The following PRKN variants were observed in gnomAD, a reference collection of about 807,000 sequenced individuals.
PRKN encodes the protein parkin RBR E3 ubiquitin protein ligase.
PRKN carries 56 observed loss-of-function variants against 59.5 expected under a neutral mutation model. That is an observed-to-expected ratio of 0.94 (90% confidence interval 0.76 to 1.18). The LOEUF (loss-of-function observed/expected upper bound fraction) is 1.18. Ranked by LOEUF, PRKN falls within the 50% of genes most tolerant of loss-of-function variation. The pLI, the probability that PRKN is intolerant of heterozygous loss-of-function variation, is 0.00. For missense variants in PRKN, 657 were observed against 596.4 expected, an observed-to-expected ratio of 1.10 and a Z score of -1.06; for synonymous variants, 250 against 222.1, an observed-to-expected ratio of 1.13 and a Z score of -1.12.
rs1346847116 is a variant in PRKN, at chr6:162,487,122, T to G, written c.8-43649A>C. 3.9e-5 allele frequency among the ~76,000 whole-genome samples: 6 copies of G among 152,050 alleles called. No homozygotes were observed. The East Asian group carries it at 1.2e-3, about 29-fold the overall frequency. On this transcript the variant is annotated intron_variant, in intron 1 of 11. Transcript: ENST00000366898. Reference sequence around the variant, plus strand: ...TTAAGGAAAAAAACGCATAATCACCTACTAAGAAGGTCTAGAAAGTGTGAT... The same window carrying G: ...TTAAGGAAAAAAACGCATAATCACCGACTAAGAAGGTCTAGAAAGTGTGAT...
Position 161,353,625 on chromosome 6 carries a change from C to A in PRKN, c.1286-3414G>T, listed in dbSNP as rs1249056284. Among the ~76,000 whole-genome samples, 2 of 152,210 alleles carry A rather than the reference C, an allele frequency of 1.3e-5. No individual in the cohort carries two copies. The highest frequency in any genetic ancestry group is 4.8e-5 in the African/African-American group (2 of 41,454). Reference sequence around the variant, plus strand: ...GCCCTCTGCATCTCTTCATCTGTATCTTTTGTAATATCCTTTATAATAAAC... The same window carrying A: ...GCCCTCTGCATCTCTTCATCTGTATATTTTGTAATATCCTTTATAATAAAC... On this transcript the variant is annotated intron_variant, in intron 11 of 11. Coordinates refer to ENST00000366898, the MANE Select transcript of PRKN (RefSeq NM_004562.3). This position sits in a 1 kb window ranked among gnomAD's most constrained non-coding sequence, Gnocchi z 4.8.
At chr6:162,392,615 C>G (rs1787259356) in intron 2 of PRKN, among the ~76,000 whole-genome samples, 1 of 152,138 alleles carries the variant, frequency 6.6e-6, no homozygotes, top group South Asian at 2.1e-4. Flanking sequence ...CCAATAATGC[C>G]AGCAAAGCAT....
intron 2 of PRKN, among the ~76,000 whole-genome samples, chr6:162,288,981 G>A (rs1419453013): frequency 6.6e-6 from 1 of 152,202 alleles, no homozygotes; most frequent in Non-Finnish European, 1.5e-5. Context: ...GTTGTGGTCT[G>A]TAGGGTTTTA....
chr6:161,806,878 T>C (rs1414196047), intron 6 of PRKN, among the ~76,000 whole-genome samples: 1 of 152,148 alleles, frequency 6.6e-6, no homozygotes, highest in Non-Finnish European at 1.5e-5. Flanking sequence ...GCAGGATCAA[T>C]TGAGAACATG....
At chr6:161,915,349 G>A (rs1280901622) in intron 6 of PRKN, among the ~76,000 whole-genome samples, 5 of 152,118 alleles carry the variant, frequency 3.3e-5, no homozygotes, top group African/African-American at 1.2e-4. Flanking sequence ...CCTGAAAGGT[G>A]TTTGTGAAAG....
chr6:161,958,177 C>T (rs866603234), intron 6 of PRKN, among the ~76,000 whole-genome samples: 1 of 152,136 alleles, frequency 6.6e-6, no homozygotes, highest in Non-Finnish European at 1.5e-5. Context: ...GATAAAGACG[C>T]TTGCATTTAT....
chr6:161,829,046 G>A (rs1416321024), intron 6 of PRKN, among the ~76,000 whole-genome samples: 1 of 151,978 alleles, frequency 6.6e-6, no homozygotes, highest in Non-Finnish European at 1.5e-5. Flanking sequence ...GGCCAACATG[G>A]TGAAACCTGT....
intron 5 of PRKN, among the ~76,000 whole-genome samples, chr6:162,023,036 T>C (rs1783270442): frequency 6.6e-6 from 1 of 152,096 alleles, no homozygotes; most frequent in Admixed American, 6.5e-5. Context: ...TGTACCAGTA[T>C]TGAAATGGGA....
chr6:161,880,837 C>T (rs1430947340), intron 6 of PRKN, among the ~76,000 whole-genome samples: 1 of 152,148 alleles, frequency 6.6e-6, no homozygotes, highest in African/African-American at 2.4e-5. Flanking sequence ...GAAAGAGCAG[C>T]GGCCCTTGTT....
At chr6:162,626,749 G>C (rs1782913297) in intron 1 of PRKN, among the ~76,000 whole-genome samples, 1 of 151,076 alleles carries the variant, frequency 6.6e-6, no homozygotes, top group African/African-American at 2.4e-5. Flanking sequence ...GGGAGGTGGA[G>C]GTTGCAGTGA....
chr6:162,554,290 G>A (rs967745590), intron 1 of PRKN, among the ~76,000 whole-genome samples: 4 of 152,042 alleles, frequency 2.6e-5, no homozygotes. Flanking sequence ...GATCACCTGA[G>A]GTCGGGAGTT....
intron 6 of PRKN, among the ~76,000 whole-genome samples, chr6:161,934,206 G>A (rs539253209): frequency 2.0e-5 from 3 of 152,084 alleles, no homozygotes; most frequent in Admixed American, 1.3e-4. Flanking sequence ...CTCTCCTGTC[G>A]CTTTGTGAAG....
chr6:161,948,038 T>C (rs757190925), intron 6 of PRKN, among the ~76,000 whole-genome samples: 3 of 151,962 alleles, frequency 2.0e-5, no homozygotes, highest in Admixed American at 2.0e-4. Flanking sequence ...CAGGCTGGAG[T>C]GCAATGGTGT....
chr6:162,064,021 G>A (rs1214830130), intron 4 of PRKN, among the ~76,000 whole-genome samples: 1 of 152,112 alleles, frequency 6.6e-6, no homozygotes, highest in African/African-American at 2.4e-5. Flanking sequence ...ACAAGCAAAT[G>A]TCCTTTGACA....
intron 7 of PRKN, among the ~76,000 whole-genome samples, chr6:161,770,390 A>G (rs1055409028): frequency 2.0e-5 from 3 of 151,740 alleles, no homozygotes; most frequent in South Asian, 2.1e-4. Context: ...TGTACCCCCA[A>G]ATTCATACAT....
intron 5 of PRKN, among the ~76,000 whole-genome samples, chr6:162,033,478 T>G (rs1233435903): frequency 6.6e-6 from 1 of 152,222 alleles, no homozygotes; most frequent in Non-Finnish European, 1.5e-5. Context: ...TAGTTATAAC[T>G]AATATGCTTC....
In PRKN at chr6:161,373,673, C is replaced by A. The variant is rs1785533904; in HGVS notation, c.1167+13121G>T. On this transcript the variant is annotated intron_variant, in intron 10 of 11. Coordinates refer to ENST00000366898, the MANE Select transcript of PRKN (RefSeq NM_004562.3). This position sits in a 1 kb window ranked among gnomAD's most constrained non-coding sequence, Gnocchi z 4.8. ...TAAATGGGCTACACCTCTGTGCTTG[C>A]GGGGTGCTGAGTTTAAACGGGCTAT... Among the ~76,000 whole-genome samples, 1 of 150,652 alleles carries A rather than the reference C, an allele frequency of 6.6e-6. No homozygotes were observed.
At chr6:161,505,359 C>T (rs1391539873) in intron 9 of PRKN, among the ~76,000 whole-genome samples, 6 of 70,640 alleles carry the variant, frequency 8.5e-5, no homozygotes, top group African/African-American at 3.6e-4. Flanking sequence ...TTTGCCCACT[C>T]TTTGATGGGG....
intron 5 of PRKN, among the ~76,000 whole-genome samples, chr6:162,028,844 G>A (rs1052453829): frequency 9.1e-4 from 138 of 152,294 alleles, no homozygotes; most frequent in African/African-American, 3.2e-3. Flanking sequence ...AGTGGACATC[G>A]CCCAGGAGGA....
Sources: allele counts gnomAD v4.1 joint callset (sites outside exome capture counted in the v4.1 genomes callset), GRCh38; gene constraint gnomAD v4.1.1; non-coding constraint Gnocchi (gnomAD v3.1); transcripts MANE v1.5; gene names NCBI Gene and HGNC (gene_info 2026-07-23, HGNC 2026-07-21).